The following PLD5 variants were observed in gnomAD, a reference collection of about 807,000 sequenced individuals.
PLD5 encodes the protein phospholipase D family member 5, also known as inactive phospholipase D5.
PLD5 carries 36 observed loss-of-function variants against 61.1 expected under a neutral mutation model. The observed-to-expected ratio is 0.59, with a 90% CI of 0.45 to 0.78. PLD5 has a LOEUF of 0.78. Ranked by LOEUF, PLD5 falls within the 30% of genes least tolerant of loss-of-function variation. The probability of loss-of-function intolerance (pLI) is 0.00; values close to 1 mark genes in which losing one functional copy is unlikely to be tolerated. For synonymous variants in PLD5, 243 were observed against 242.8 expected (o/e 1.00, Z -0.01); for missense variants, 515 against 644.4 (o/e 0.80, Z 2.17).
At chr1:242,416,170 T>C (rs1664825369) in intron 1 of PLD5, among the ~76,000 whole-genome samples, 1 of 152,052 alleles carries the variant, frequency 6.6e-6, no homozygotes, top group African/African-American at 2.4e-5. Flanking sequence ...TCTAAATATA[T>C]AATTTTCATT....
At chr1:242,434,462 G>A (rs1665886399) in intron 1 of PLD5, among the ~76,000 whole-genome samples, 1 of 152,172 alleles carries the variant, frequency 6.6e-6, no homozygotes. Context: ...AAATGCCAAG[G>A]AGGCTATAGA....
chr1:242,390,020 AATTATT>A (rs67155503), intron 1 of PLD5, among the ~76,000 whole-genome samples: 28 of 147,108 alleles, frequency 1.9e-4, no homozygotes, highest in African/African-American at 6.6e-4. Context: ...TAATAATAAT[AATTATT>A]ATTATTATTA....
In PLD5 at chr1:242,264,113, GA is replaced by G. The variant is rs71297743; in HGVS notation, c.607+1223del. 9.4e-3 allele frequency among the ~76,000 whole-genome samples: 1,326 copies of G among 141,428 alleles called. 21 individuals are homozygous for G. The highest frequency in any genetic ancestry group is 0.027 in the African/African-American group (1,062 of 38,858). 92.8% of individuals were successfully genotyped at this position (141,428 alleles called of 152,430 possible). ...TTAACCAAAAGTAATCAATTCCTCA[GA>G]AAAAAAAAAAGTGTTCTCTAACAAA... On this transcript the variant is annotated intron_variant, in intron 4 of 9. Transcript: ENST00000536534.
intron 5 of PLD5, among the ~76,000 whole-genome samples, chr1:242,165,675 A>G (rs1666257215): frequency 6.6e-6 from 1 of 152,182 alleles, no homozygotes; most frequent in Non-Finnish European, 1.5e-5. Flanking sequence ...TCCATTTTAA[A>G]TGTAGGTTTA....
At chr1:242,353,180 C>A (rs901348643) in intron 1 of PLD5, among the ~76,000 whole-genome samples, 3 of 151,996 alleles carry the variant, frequency 2.0e-5, no homozygotes, top group African/African-American at 7.3e-5. Context: ...TTTCTTTAAC[C>A]CATTTTGAGT....
chr1:242,399,131 G>A (rs1322108907), intron 1 of PLD5, among the ~76,000 whole-genome samples: 1 of 152,124 alleles, frequency 6.6e-6, no homozygotes, highest in Non-Finnish European at 1.5e-5. Flanking sequence ...AATAATTAAT[G>A]TGCAAGATGA....
intron 1 of PLD5, among the ~76,000 whole-genome samples, chr1:242,384,489 C>T (rs1572026724): frequency 6.6e-6 from 1 of 152,238 alleles, no homozygotes; most frequent in East Asian, 1.9e-4. Flanking sequence ...AACACCAGAA[C>T]ATTAAAGAAT....
chr1:242,393,927 G>C (rs367787231), intron 1 of PLD5, among the ~76,000 whole-genome samples: 5 of 112,234 alleles, frequency 4.5e-5, no homozygotes, highest in Non-Finnish European at 9.5e-5. Context: ...GGGTGTGGGG[G>C]TGCGTGCCTG....
At chr1:242,477,792 C>T (rs1667644665) in intron 1 of PLD5, among the ~76,000 whole-genome samples, 1 of 152,124 alleles carries the variant, frequency 6.6e-6, no homozygotes, top group Non-Finnish European at 1.5e-5. Context: ...CCAGGTGGAA[C>T]ATTTAAGATT....
chr1:242,232,671 C>T (rs1437583801), intron 4 of PLD5, among the ~76,000 whole-genome samples: 1 of 151,930 alleles, frequency 6.6e-6, no homozygotes, highest in Non-Finnish European at 1.5e-5. Context: ...GATGAAACCC[C>T]ATCTCTACTA....
intron 3 of PLD5, among the ~76,000 whole-genome samples, chr1:242,282,592 T>C (rs531581625): frequency 1.3e-5 from 2 of 152,340 alleles, no homozygotes; most frequent in East Asian, 1.9e-4. Flanking sequence ...TTCACATAAA[T>C]ACATCTCCTT....
chr1:242,275,990 G>A (rs1446699887), intron 3 of PLD5, among the ~76,000 whole-genome samples: 1 of 152,136 alleles, frequency 6.6e-6, no homozygotes, highest in East Asian at 1.9e-4. Context: ...GAGAACTGGA[G>A]ACTGAAAGAG....
chr1:242,190,146 T>TA (rs1344409635), intron 5 of PLD5, among the ~76,000 whole-genome samples: 8 of 131,934 alleles, frequency 6.1e-5, no homozygotes, highest in African/African-American at 2.3e-4. Context: ...TCCTTTTTTT[T>TA]TTTTTTTTTT....
chr1:242,267,907 G>A (rs1181957188), intron 3 of PLD5, among the ~76,000 whole-genome samples: 3 of 149,906 alleles, frequency 2.0e-5, no homozygotes, highest in Non-Finnish European at 4.4e-5. Context: ...AAAAAAAGAG[G>A]CAGGAGGGGA....
At chr1:242,513,735 G>A (rs889220878) in intron 1 of PLD5, among the ~76,000 whole-genome samples, 1 of 152,190 alleles carries the variant, frequency 6.6e-6, no homozygotes, top group African/African-American at 2.4e-5. Flanking sequence ...GTGGGTCCAA[G>A]ATACAAAGAG....
chr1:242,375,662 A>G (rs997757527), intron 1 of PLD5, among the ~76,000 whole-genome samples: 1 of 152,262 alleles, frequency 6.6e-6, no homozygotes, highest in African/African-American at 2.4e-5. Context: ...TATAAAATGC[A>G]AAAGAAAACA....
intron 1 of PLD5, among the ~76,000 whole-genome samples, chr1:242,461,835 T>C (rs1025902901): frequency 1.3e-5 from 2 of 152,240 alleles, no homozygotes; most frequent in East Asian, 1.9e-4. Flanking sequence ...ATTTCTCTGA[T>C]GATTAGAGAC....
intron 2 of PLD5, among the ~76,000 whole-genome samples, chr1:242,324,776 C>T (rs761695367): frequency 1.3e-5 from 2 of 152,150 alleles, no homozygotes; most frequent in Non-Finnish European, 2.9e-5. Flanking sequence ...TTAGAGTCTG[C>T]ATTCTGATGG....
intron 1 of PLD5, among the ~76,000 whole-genome samples, chr1:242,395,037 G>GAATATATACGAATA (rs1354501458): frequency 2.1e-5 from 1 of 47,858 alleles, no homozygotes; most frequent in Non-Finnish European, 3.8e-5. Flanking sequence ...ATATATGAAT[G>GAATATATACGAATA]TATATGTATA....
Sources: gnomAD v4.1 joint callset for allele counts (sites outside exome capture counted in the v4.1 genomes callset) on GRCh38, gnomAD v4.1.1 for gene constraint, MANE v1.5 for transcripts, NCBI Gene and HGNC (gene_info 2026-07-23, HGNC 2026-07-21) for gene names.